The following TAF4B variants were observed in gnomAD, a reference collection of about 807,000 sequenced individuals.
TAF4B encodes transcription initiation factor TFIID subunit 4B.
TAF4B carries 38 observed loss-of-function variants against 86.4 expected under a neutral mutation model. The ratio of observed to expected loss-of-function variants is 0.44; its 90% CI spans 0.34 to 0.58. TAF4B has a LOEUF of 0.58. TAF4B is among the 20% of genes least tolerant of loss of function. The pLI is 0.02. For missense variants in TAF4B, 988 were observed against 1,027.6 expected (o/e 0.96, Z 0.53); for synonymous variants, 388 against 391.2 (o/e 0.99, Z 0.10).
chr18:26,241,317 G>T (rs2055835104), intron 1 of TAF4B, among the ~76,000 whole-genome samples: 1 of 152,182 alleles, frequency 6.6e-6, no homozygotes, highest in Admixed American at 6.5e-5. Flanking sequence ...TCTTGGGAGG[G>T]TGTATGTGTC....
intron 1 of TAF4B, among the ~76,000 whole-genome samples, chr18:26,243,932 C>G (rs2055881598): frequency 6.6e-6 from 1 of 152,232 alleles, no homozygotes; most frequent in Admixed American, 6.5e-5. Flanking sequence ...GCTGCCTGAT[C>G]TTTCCTCTGG....
intron 9 of TAF4B, among the ~76,000 whole-genome samples, chr18:26,293,820 T>C (rs2056627510): frequency 6.6e-6 from 1 of 152,204 alleles, no homozygotes; most frequent in South Asian, 2.1e-4. Context: ...CCCCTGCCTC[T>C]GGCAGCTACT....
At chr18:26,346,861 G>GTATA (rs1173384806) in intron 13 of TAF4B, among the ~76,000 whole-genome samples, 4,330 of 17,738 alleles carry the variant, frequency 0.24, 1,241 homozygotes, top group South Asian at 0.48. Flanking sequence ...ATATATATGT[G>GTATA]TATATATATA....
chr18:26,361,093 C>CTTAT (rs1471448259), intron 14 of TAF4B, among the ~76,000 whole-genome samples: 1 of 151,816 alleles, frequency 6.6e-6, no homozygotes, highest in South Asian at 2.1e-4. Context: ...TTTTAACCAT[C>CTTAT]TTATTTTTAC....
At position 26,357,730 on chromosome 18, in the gene TAF4B, C is replaced by G; in HGVS notation, c.2357C>G (p.Ala786Gly). The G allele has an allele frequency of 2.5e-6, 4 of 1,613,152 alleles. No homozygotes were observed. Among genetic ancestry groups the G allele is most frequent in the Non-Finnish European group, 3.4e-6 (4 of 1,179,532 alleles). Residue 786 changes from alanine to glycine, a missense_variant, in exon 14 of 15, where the codon GCT (alanine) becomes GGT (glycine). By Grantham distance (60) the Ala-to-Gly change is moderately conservative. This residue lies in a region of TAF4B where 216 missense variants were observed against 238.4 expected (regional missense o/e 0.91). Transcript: ENST00000269142. ...CTTGCACAGATACAGCATAGAGACG[C>G]TAATCTCACAGCTCTTGCAGCTATT... ...LELAQIQHRDANLTALAAIGP... is the reference protein window; with the variant it reads ...LELAQIQHRDGNLTALAAIGP...
At chr18:26,320,295 T>C (rs1947094527) in intron 10 of TAF4B, among the ~76,000 whole-genome samples, 1 of 152,226 alleles carries the variant, frequency 6.6e-6, no homozygotes, top group Non-Finnish European at 1.5e-5. Context: ...TCTGTTGATA[T>C]AAGTGGTTTC....
At chr18:26,301,572 A>T (rs1204189849) in intron 9 of TAF4B, among the ~76,000 whole-genome samples, 2 of 152,010 alleles carry the variant, frequency 1.3e-5, no homozygotes, top group South Asian at 2.1e-4. Context: ...GGGATTATAG[A>T]CATGAGCCAC....
intron 1 of TAF4B, among the ~76,000 whole-genome samples, chr18:26,244,734 C>T (rs1278015782): frequency 6.6e-6 from 1 of 152,128 alleles, no homozygotes; most frequent in East Asian, 1.9e-4. Context: ...AGAAATTATC[C>T]TTATAAGAGA....
chr18:26,365,118 T>G (rs1428362952), intron 14 of TAF4B, among the ~76,000 whole-genome samples: 2 of 150,666 alleles, frequency 1.3e-5, no homozygotes, highest in African/African-American at 4.9e-5. Context: ...GCGATTCTCC[T>G]GCCTCCGCCT....
intron 1 of TAF4B, 93 bp downstream of exon 1, chr18:26,227,369 C>A: frequency 9.1e-7 from 1 of 1,100,052 alleles, no homozygotes; most frequent in Non-Finnish European, 1.3e-6. Flanking sequence ...AAAAACTGAG[C>A]CACGGGAACA....
At position 26,226,831 on chromosome 18, in the gene TAF4B, T is replaced by C. The variant is rs1480773275; in HGVS notation, c.-103T>C. ...CCCCCGCGCCTCTCCCCAGCGATGC[T>C]GTGGAACCCGAACCGCACCGGAGTC... is the stretch of plus-strand genomic sequence containing the variant. On this transcript the variant is annotated 5_prime_UTR_variant, in exon 1 of 15. Transcript: ENST00000269142. 6 of 964,100 alleles carry C rather than the reference T, an allele frequency of 6.2e-6. No individual in the cohort carries two copies. Among genetic ancestry groups the C allele is most frequent in the Non-Finnish European group, 6.9e-6 (5 of 720,050 alleles). 59.7% of individuals were successfully genotyped at this position (964,100 alleles called of 1,614,324 possible).
chr18:26,307,327 G>A (rs1185032395), intron 9 of TAF4B, among the ~76,000 whole-genome samples: 1 of 152,054 alleles, frequency 6.6e-6, no homozygotes, highest in Non-Finnish European at 1.5e-5. Flanking sequence ...TATTCTGCTT[G>A]TCAGTATAGC....
At chr18:26,265,372 T>G in intron 2 of TAF4B, 57 bp downstream of exon 2, 1 of 1,525,272 alleles carries the variant, frequency 6.6e-7, no homozygotes, top group Non-Finnish European at 8.8e-7. Flanking sequence ...AATTTTCATA[T>G]AAATGTTGTG....
chr18:26,389,906 A>G lies in TAF4B; in HGVS notation c.2483A>G (p.His828Arg), dbSNP rs1215803270. 4 of 1,614,038 alleles carry G rather than the reference A, an allele frequency of 2.5e-6. No individual in the cohort carries two copies. The highest frequency in any genetic ancestry group is 1.3e-5 in the African/African-American group (1 of 74,950). ...AGCCTGACAGCCACCAAACAGTTGC[A>G]TCGTCCAAGAATCACGAGAATCTGC... ...TSSLTATKQL[H>R]RPRITRICLR... is the part of the protein sequence containing the mutation. The change falls in exon 15 of 15, where the codon CAT becomes CGT. Residue 828 changes from histidine (H) to arginine (R), a missense_variant. By Grantham distance (29) the His-to-Arg change is conservative. This residue lies in a region of TAF4B where 216 missense variants were observed against 238.4 expected (regional missense o/e 0.91). Coordinates refer to ENST00000269142, the MANE Select transcript of TAF4B (RefSeq NM_005640.3).
At chr18:26,272,190 C>G (rs575529863) in intron 3 of TAF4B, among the ~76,000 whole-genome samples, 2 of 152,252 alleles carry the variant, frequency 1.3e-5, no homozygotes, top group East Asian at 1.9e-4. Flanking sequence ...CCCTAATCTT[C>G]CGGTTGCGTC....
intron 9 of TAF4B, among the ~76,000 whole-genome samples, chr18:26,313,979 A>G (rs2056877176): frequency 6.6e-6 from 1 of 151,768 alleles, no homozygotes; most frequent in Admixed American, 6.6e-5. Context: ...ACTTTCTTTT[A>G]TTTTGCTTAC....
At position 26,361,739 on chromosome 18, in the gene TAF4B, C is replaced by T. The variant is rs1422894542; in HGVS notation, c.2421+3945C>T. ...CAGCCTGAGCAACAGAGTGAGACTC[C>T]GTCTCAAAAAAAAAAAAAAAAAAAA... is the stretch of plus-strand genomic sequence containing the variant. On this transcript the variant is annotated intron_variant, in intron 14 of 14. Coordinates refer to ENST00000269142, the MANE Select transcript of TAF4B (RefSeq NM_005640.3). Among the ~76,000 whole-genome samples the T allele has an allele frequency of 3.1e-5, 4 of 127,168 alleles. No individual in the cohort carries two copies. The South Asian group carries it at 7.8e-4, about 25-fold the overall frequency. 83.4% of individuals were successfully genotyped at this position (127,168 alleles called of 152,430 possible). A position where few individuals can be genotyped will look rare whatever the true frequency, so the allele number is the denominator to read the frequency against.
Position 26,346,877 on chromosome 18 carries a change from GTATATA to G in TAF4B, c.2317-10795_2317-10790del, listed in dbSNP as rs1220239621. 4.5e-3 allele frequency among the ~76,000 whole-genome samples: 30 copies of G among 6,602 alleles called. 6 individuals carry two copies. The highest frequency in any genetic ancestry group is 0.017 in the Admixed American group (8 of 466). The allele number at this position is 6,602 out of a possible 152,430, so 4.3% of individuals were successfully genotyped here. ...TATATATGTGTATATATATATATGT[GTATATA>G]TATATATATATATATATGTGTGTGT... On this transcript the variant is annotated intron_variant, in intron 13 of 14. Coordinates refer to ENST00000269142, the MANE Select transcript of TAF4B (RefSeq NM_005640.3).
intron 13 of TAF4B, among the ~76,000 whole-genome samples, chr18:26,337,231 C>G (rs988327247): frequency 8.5e-5 from 13 of 152,188 alleles, no homozygotes; most frequent in African/African-American, 3.1e-4. Context: ...TTTCCAAGAA[C>G]AGAGCCACTC....
Sources: allele counts gnomAD v4.1 joint callset (sites outside exome capture counted in the v4.1 genomes callset), GRCh38; gene constraint gnomAD v4.1.1; regional missense constraint gnomAD v4.1.1; transcripts MANE v1.5; gene names NCBI Gene and HGNC (gene_info 2026-07-23, HGNC 2026-07-21).